Variants in SNX18 observed in about 807,000 individuals in gnomAD.
The protein encoded by SNX18 is sorting nexin 18.
In SNX18, 35 loss-of-function variants were observed where a neutral mutation model predicts 48.7. That is an observed-to-expected ratio of 0.72 (90% CI 0.55 to 0.95). SNX18 has a LOEUF of 0.95. Ranked by LOEUF, SNX18 falls within the 40% of genes least tolerant of loss-of-function variation. The probability of loss-of-function intolerance (pLI) is 0.00; values close to 1 mark genes in which losing one functional copy is unlikely to be tolerated. For synonymous variants in SNX18, 492 were observed against 384.7 expected, an observed-to-expected ratio of 1.28 and a Z score of -3.26; for missense variants, 824 against 871.0, an observed-to-expected ratio of 0.95 and a Z score of 0.68.
chr5:54,627,579 G>A, the SNX18 span, among the ~76,000 whole-genome samples: 42 of 152,242 alleles, frequency 2.8e-4, no homozygotes, highest in African/African-American at 1.0e-3. Flanking sequence ...CCCTCCTGGG[G>A]TCTGAGGGCT....
At chr5:54,556,473 T>C in the SNX18 span, among the ~76,000 whole-genome samples, 1 of 152,192 alleles carries the variant, frequency 6.6e-6, no homozygotes, top group African/African-American at 2.4e-5. Flanking sequence ...ACACAAAACA[T>C]TCTTGTCCAC....
chr5:54,610,782 G>A, the SNX18 span, among the ~76,000 whole-genome samples: 2 of 152,170 alleles, frequency 1.3e-5, no homozygotes, highest in Non-Finnish European at 2.9e-5. Flanking sequence ...ACAGGGAGGG[G>A]GTTAACCCTT....
chr5:54,622,688 G>A, the SNX18 span, among the ~76,000 whole-genome samples: 2 of 150,648 alleles, frequency 1.3e-5, no homozygotes, highest in Non-Finnish European at 3.0e-5. Flanking sequence ...ACACCTGTTA[G>A]CTAAAAGCTT....
the SNX18 span, among the ~76,000 whole-genome samples, chr5:54,588,438 C>G: frequency 1.7e-4 from 25 of 150,740 alleles, no homozygotes; most frequent in African/African-American, 6.1e-4. Flanking sequence ...CACCATTCTC[C>G]TGCCTCAGCC....
the SNX18 span, among the ~76,000 whole-genome samples, chr5:54,600,682 G>A: frequency 1.3e-5 from 2 of 152,148 alleles, no homozygotes. Context: ...TTGCAGGGAT[G>A]TGGATGAAGC....
the SNX18 span, among the ~76,000 whole-genome samples, chr5:54,590,206 G>A: frequency 4.6e-5 from 7 of 152,314 alleles, no homozygotes; most frequent in East Asian, 1.2e-3. Context: ...AAATGAGATA[G>A]CAATCCATTC....
chr5:54,566,846 A>G, the SNX18 span, among the ~76,000 whole-genome samples: 2 of 152,222 alleles, frequency 1.3e-5, no homozygotes, highest in African/African-American at 2.4e-5. Flanking sequence ...GTGGACAGCT[A>G]TGCTTCTCCA....
chr5:54,616,487 T>C, the SNX18 span, among the ~76,000 whole-genome samples: 3 of 152,230 alleles, frequency 2.0e-5, no homozygotes, highest in Admixed American at 2.0e-4. Flanking sequence ...GAAATGTGCA[T>C]CTTGGCCAGG....
the SNX18 span, among the ~76,000 whole-genome samples, chr5:54,577,933 G>A: frequency 6.6e-6 from 1 of 152,238 alleles, no homozygotes; most frequent in Non-Finnish European, 1.5e-5. Flanking sequence ...ATCCAAGCCT[G>A]ACTCAAAGCA....
chr5:54,578,581 T>C, the SNX18 span, among the ~76,000 whole-genome samples: 1 of 152,194 alleles, frequency 6.6e-6, no homozygotes, highest in African/African-American at 2.4e-5. Context: ...TGTGGGGAGC[T>C]GAACTTCTCT....
the SNX18 span, among the ~76,000 whole-genome samples, chr5:54,643,282 T>C: frequency 6.6e-6 from 1 of 152,200 alleles, no homozygotes; most frequent in African/African-American, 2.4e-5. Context: ...CTTTTTGCCA[T>C]AATGTATTTT....
At chr5:54,588,306 CTTTTTTTTTTTTTTTTTTTTTTTT>C in the SNX18 span, among the ~76,000 whole-genome samples, 8 of 73,908 alleles carry the variant, frequency 1.1e-4, no homozygotes, top group Admixed American at 3.8e-4. Flanking sequence ...TATTTCTATT[CTTTTTTTTTTTTTTTTTTTTTTTT>C]TTTTTTTTTT....
chr5:54,530,227 C>G (rs144287514), intron 1 of SNX18, among the ~76,000 whole-genome samples: 1 of 152,204 alleles, frequency 6.6e-6, no homozygotes, highest in Non-Finnish European at 1.5e-5. Context: ...CTTACCTTAA[C>G]TAATTACATA....
Position 54,519,703 on chromosome 5 carries a change from A to G in SNX18, c.1621+130A>G. On this transcript the variant is annotated intron_variant, in intron 1 of 1. Coordinates refer to ENST00000381410, the MANE Select transcript of SNX18 (RefSeq NM_001102575.2). ...GGTGAGGAAGCGAGCAGAGACGTGG[A>G]CGCCTGGGTCTTTTCCCTAGAGTGT... is the stretch of plus-strand genomic sequence containing the variant. The G allele has an allele frequency of 1.2e-6, 2 of 1,614,186 alleles. No individual in the cohort carries two copies. The highest frequency in any genetic ancestry group is 1.7e-6 in the Non-Finnish European group (2 of 1,180,034).
chr5:54,556,319 C>G, the SNX18 span, among the ~76,000 whole-genome samples: 1 of 152,230 alleles, frequency 6.6e-6, no homozygotes, highest in South Asian at 2.1e-4. Context: ...AGGCATCGGC[C>G]GGGCTGCATT....
At chr5:54,569,718 T>C in the SNX18 span, among the ~76,000 whole-genome samples, 4 of 152,202 alleles carry the variant, frequency 2.6e-5, no homozygotes, top group African/African-American at 9.6e-5. Context: ...ACAGTTGGAC[T>C]TCTTATATGG....
At chr5:54,543,029 A>G (rs1363008184) in intron 1 of SNX18, 150 bp from the exon 2 acceptor site, 2 of 730,798 alleles carry the variant, frequency 2.7e-6, no homozygotes, top group African/African-American at 1.8e-5. Flanking sequence ...TTTTAAAATG[A>G]GTAATTATGG....
At chr5:54,582,810 A>AG in the SNX18 span, among the ~76,000 whole-genome samples, 1 of 152,148 alleles carries the variant, frequency 6.6e-6, no homozygotes, top group Non-Finnish European at 1.5e-5. Flanking sequence ...TGAAAAAAAA[A>AG]GAAAAGTTAA....
At chr5:54,557,082 A>G in the SNX18 span, among the ~76,000 whole-genome samples, 1 of 152,256 alleles carries the variant, frequency 6.6e-6, no homozygotes, top group African/African-American at 2.4e-5. Flanking sequence ...GATACAGCAC[A>G]GAATCAATGG....
Sources: allele counts gnomAD v4.1 joint callset (sites outside exome capture counted in the v4.1 genomes callset), GRCh38; gene constraint gnomAD v4.1.1; transcripts MANE v1.5; gene names NCBI Gene and HGNC (gene_info 2026-07-23, HGNC 2026-07-21).